Variants in HDAC9 observed in about 807,000 individuals in gnomAD.
The protein encoded by HDAC9 is histone deacetylase 9, also known as MEF-2 interacting transcription repressor (MITR) protein.
HDAC9 carries 41 observed loss-of-function variants against 139.4 expected under a neutral mutation model. The ratio of observed to expected loss-of-function variants is 0.29; its 90% CI spans 0.23 to 0.38. The LOEUF is 0.38. HDAC9 is among the 10% of genes least tolerant of loss of function. The pLI, the probability that HDAC9 is intolerant of heterozygous loss-of-function variation, is 1.00. For synonymous variants in HDAC9, 517 were observed against 476.2 expected (o/e 1.09, Z -1.12); for missense variants, 1,147 against 1,297.0 (o/e 0.88, Z 1.78).
At chr7:18,771,544 T>A (rs1013579920) in intron 16 of HDAC9, among the ~76,000 whole-genome samples, 1 of 140,756 alleles carries the variant, frequency 7.1e-6, no homozygotes, top group African/African-American at 3.2e-5. Flanking sequence ...GATATGTGTG[T>A]GTGTGTGTGT....
intron 2 of HDAC9, among the ~76,000 whole-genome samples, chr7:18,173,932 T>C (rs573504481): frequency 6.6e-6 from 1 of 152,334 alleles, no homozygotes; most frequent in African/African-American, 2.4e-5. Flanking sequence ...TTGGGTTTGC[T>C]CTTCTCGAGG....
At chr7:18,535,214 T>C (rs116081931) in intron 2 of HDAC9, among the ~76,000 whole-genome samples, 241 of 152,316 alleles carry the variant, frequency 1.6e-3, no homozygotes, top group African/African-American at 5.4e-3. Context: ...TTTAATTCTT[T>C]TACTGTCATT....
At chr7:18,854,665 G>GA (rs959006124) in intron 21 of HDAC9, among the ~76,000 whole-genome samples, 1 of 151,178 alleles carries the variant, frequency 6.6e-6, no homozygotes, top group African/African-American at 2.4e-5. Flanking sequence ...GATGCTAAAA[G>GA]AAAAAAATAC....
chr7:18,559,056 T>A (rs1819759098), intron 2 of HDAC9, among the ~76,000 whole-genome samples: 1 of 152,172 alleles, frequency 6.6e-6, no homozygotes. Context: ...CTTTTTCTGG[T>A]GGATGCTTAC....
intron 12 of HDAC9, among the ~76,000 whole-genome samples, chr7:18,711,947 T>C (rs1047905970): frequency 2.2e-5 from 3 of 139,290 alleles, no homozygotes; most frequent in South Asian, 2.3e-4. Context: ...TTTTTTTTTT[T>C]CCTTCGGGAA....
rs76285292 is a variant in HDAC9, at chr7:18,719,889, A to C, written c.1732-7691A>C. Reference sequence around the variant, plus strand: ...TTACAAAGTCCTTCATGGAGGAAGAATTTTTAAAATATTTTGCCCTGCTGA... The same window carrying C: ...TTACAAAGTCCTTCATGGAGGAAGACTTTTTAAAATATTTTGCCCTGCTGA... On this transcript the variant is annotated intron_variant, in intron 12 of 25. Transcript: ENST00000686413. Among the ~76,000 whole-genome samples the C allele has an allele frequency of 2.0e-5, 3 of 152,266 alleles. No individual in the cohort carries two copies. In the East Asian group the frequency reaches 5.8e-4, roughly 29 times the overall value.
At chr7:18,712,566 T>C (rs1273474122) in intron 12 of HDAC9, among the ~76,000 whole-genome samples, 1 of 152,208 alleles carries the variant, frequency 6.6e-6, no homozygotes, top group African/African-American at 2.4e-5. Flanking sequence ...TTTTAGCCTT[T>C]ACTCAAGTTG....
intron 14 of HDAC9, among the ~76,000 whole-genome samples, chr7:18,761,301 T>C (rs1460964097): frequency 2.6e-5 from 4 of 152,216 alleles, no homozygotes; most frequent in Non-Finnish European, 5.9e-5. Context: ...TGAAGGGCTG[T>C]AATTTGTTAG....
intron 16 of HDAC9, among the ~76,000 whole-genome samples, chr7:18,780,256 G>A (rs958802180): frequency 6.6e-6 from 1 of 151,938 alleles, no homozygotes; most frequent in Admixed American, 6.6e-5. Context: ...GTCTTCTCTG[G>A]GGATCAAATA....
chr7:18,348,048 G>A (rs551808990), intron 1 of HDAC9, among the ~76,000 whole-genome samples: 3 of 152,122 alleles, frequency 2.0e-5, no homozygotes, highest in South Asian at 4.1e-4. Context: ...GCAGTAACTA[G>A]CAACTGTTTC....
At chr7:18,528,746 G>A (rs770880067) in intron 2 of HDAC9, among the ~76,000 whole-genome samples, 1 of 152,092 alleles carries the variant, frequency 6.6e-6, no homozygotes, top group Non-Finnish European at 1.5e-5. Flanking sequence ...GACAGGAATC[G>A]ATGAGCATGG....
chr7:18,137,668 G>A (rs1017197829), intron 1 of HDAC9, among the ~76,000 whole-genome samples: 1 of 151,066 alleles, frequency 6.6e-6, no homozygotes, highest in Non-Finnish European at 1.5e-5. Context: ...CTTGATCATG[G>A]TGGATAAGCT....
At chr7:18,911,359 C>A (rs571227117) in intron 22 of HDAC9, among the ~76,000 whole-genome samples, 1 of 151,214 alleles carries the variant, frequency 6.6e-6, no homozygotes, top group Non-Finnish European at 1.5e-5. Flanking sequence ...GTTGTATAGT[C>A]GGTGTCAGTT....
At chr7:18,909,423 T>C (rs1479447939) in intron 22 of HDAC9, among the ~76,000 whole-genome samples, 2 of 152,040 alleles carry the variant, frequency 1.3e-5, no homozygotes, top group Admixed American at 6.6e-5. Flanking sequence ...ATTTTTGCTT[T>C]TGTTGCCTGG....
chr7:18,665,897 G>A (rs987595752), intron 11 of HDAC9, among the ~76,000 whole-genome samples: 3 of 151,910 alleles, frequency 2.0e-5, no homozygotes, highest in South Asian at 2.1e-4. Context: ...AAAGTTTCAG[G>A]GTTTCCATGG....
intron 1 of HDAC9, among the ~76,000 whole-genome samples, chr7:18,301,475 T>C (rs1355084250): frequency 6.6e-6 from 1 of 152,182 alleles, no homozygotes; most frequent in Non-Finnish European, 1.5e-5. Flanking sequence ...TCCTCTGTTT[T>C]ATTCCAGAGA....
At chr7:18,419,743 A>T (rs1789444716) in intron 1 of HDAC9, among the ~76,000 whole-genome samples, 1 of 152,174 alleles carries the variant, frequency 6.6e-6, no homozygotes, top group Admixed American at 6.5e-5. Context: ...TTTTTAATAA[A>T]TCTTTTCTTT....
chr7:18,167,822 G>T (rs756768783), intron 2 of HDAC9, among the ~76,000 whole-genome samples: 8 of 152,170 alleles, frequency 5.3e-5, no homozygotes, highest in Non-Finnish European at 1.2e-4. Context: ...GGAGGAGACA[G>T]GTTTGGTGAA....
chr7:18,814,728 C>G (rs937705602), intron 17 of HDAC9, among the ~76,000 whole-genome samples: 1 of 152,040 alleles, frequency 6.6e-6, no homozygotes, highest in African/African-American at 2.4e-5. Context: ...CTAGTTTTTA[C>G]TAAATTGATC....
Sources: gnomAD v4.1 joint callset for allele counts (sites outside exome capture counted in the v4.1 genomes callset) on GRCh38, gnomAD v4.1.1 for gene constraint, MANE v1.5 for transcripts, NCBI Gene and HGNC (gene_info 2026-07-23, HGNC 2026-07-21) for gene names.